The following LRRC37A variants were observed in gnomAD, a reference collection of about 807,000 sequenced individuals.
LRRC37A encodes leucine rich repeat containing 37A.
LRRC37A carries 3 observed loss-of-function variants against 35.4 expected under a neutral mutation model. That is an observed-to-expected ratio of 0.08 (90% confidence interval 0.04 to 0.22). The LOEUF (loss-of-function observed/expected upper bound fraction) is 0.22, where lower values mean the gene tolerates loss of function less well. LRRC37A is among the 10% of genes least tolerant of loss of function. LRRC37A has a pLI of 1.00. For missense variants in LRRC37A, 67 were observed against 565.3 expected (o/e 0.12, Z 8.94); for synonymous variants, 23 against 215.0 (o/e 0.11, Z 7.81).
At chr17:46,274,394 A>C in the LRRC37A span, among the ~76,000 whole-genome samples, 1 of 152,262 alleles carries the variant, frequency 6.6e-6, no homozygotes, top group Admixed American at 6.5e-5. Flanking sequence ...AGGACCACTT[A>C]GCCCAACCTT....
the LRRC37A span, among the ~76,000 whole-genome samples, chr17:46,279,901 T>A: frequency 6.6e-6 from 1 of 152,206 alleles, no homozygotes; most frequent in Non-Finnish European, 1.5e-5. Context: ...TTTTTCTGTC[T>A]TAAACAAATT....
the LRRC37A span, among the ~76,000 whole-genome samples, chr17:46,277,542 C>T: frequency 0.12 from 18,337 of 151,980 alleles, no homozygotes; most frequent in Non-Finnish European, 0.18. Context: ...AGAAGTTGTG[C>T]TCCTCTGTCC....
chr17:46,334,624 G>C (rs1234913107), intron 10 of LRRC37A: 1 of 50,386 alleles, frequency 2.0e-5, no homozygotes, highest in Non-Finnish European at 3.6e-5. Context: ...GTCTTGCTAT[G>C]TTGCCCAGGC....
the LRRC37A span, among the ~76,000 whole-genome samples, chr17:46,274,046 T>A: frequency 6.6e-6 from 1 of 152,234 alleles, no homozygotes; most frequent in African/African-American, 2.4e-5. Context: ...GACAATTGAC[T>A]GGGAATGATA....
the LRRC37A span, among the ~76,000 whole-genome samples, chr17:46,279,114 A>C: frequency 6.6e-6 from 1 of 151,936 alleles, no homozygotes; most frequent in Middle Eastern, 3.4e-3. Flanking sequence ...CATTATTTAC[A>C]TTATTACGAC....
At chr17:46,263,755 G>A in the LRRC37A span, among the ~76,000 whole-genome samples, 1 of 151,586 alleles carries the variant, frequency 6.6e-6, no homozygotes, top group African/African-American at 2.4e-5. Context: ...CTGGGAGGCT[G>A]AGGCAGGAGA....
At chr17:46,268,597 G>A in the LRRC37A span, 2 of 1,546,448 alleles carry the variant, frequency 1.3e-6, no homozygotes, top group Non-Finnish European at 1.7e-6. Context: ...CTCTGTCCAG[G>A]GGATGGACTG....
At chr17:46,291,969 C>CAAAAAAAAAAAAA (rs59554870), upstream of LRRC37A, among the ~76,000 whole-genome samples, 107 of 58,052 alleles carry the variant, frequency 1.8e-3, no homozygotes, top group Non-Finnish European at 2.3e-3. Flanking sequence ...TCTCAAAAAG[C>CAAAAAAAAAAAAA]AAAAAAAAAA....
the LRRC37A span, among the ~76,000 whole-genome samples, chr17:46,268,995 A>G: frequency 2.2e-4 from 33 of 152,186 alleles, no homozygotes; most frequent in Admixed American, 4.6e-4. Context: ...TAAATATTTT[A>G]ATTTAATACA....
At chr17:46,258,707 C>CTTTTTTTTT in the LRRC37A span, among the ~76,000 whole-genome samples, 39 of 81,124 alleles carry the variant, frequency 4.8e-4, no homozygotes, top group South Asian at 1.1e-3. Context: ...GACTATTATT[C>CTTTTTTTTT]TTTTTTTTTT....
At chr17:46,288,706 CTTTTTT>C (rs199591277), upstream of LRRC37A, among the ~76,000 whole-genome samples, 1 of 139,060 alleles carries the variant, frequency 7.2e-6, no homozygotes, top group Non-Finnish European at 1.6e-5. Context: ...CTTGTTTTTT[CTTTTTT>C]TTTTTTTTTG....
chr17:46,264,639 T>C, the LRRC37A span, among the ~76,000 whole-genome samples: 1 of 152,262 alleles, frequency 6.6e-6, no homozygotes, highest in African/African-American at 2.4e-5. Context: ...TAGATCAGTC[T>C]CTTTGAACTC....
upstream of LRRC37A, among the ~76,000 whole-genome samples, chr17:46,291,371 G>A (rs1164544060): frequency 1.3e-5 from 2 of 152,012 alleles, no homozygotes; most frequent in African/African-American, 2.4e-5. Flanking sequence ...ACAAAACTGT[G>A]AGCAGGACTA....
chr17:46,256,517 C>A, the LRRC37A span, among the ~76,000 whole-genome samples: 3 of 152,294 alleles, frequency 2.0e-5, no homozygotes, highest in Non-Finnish European at 4.4e-5. Context: ...CTTGCCAGCA[C>A]CCAATTGTGC....
At chr17:46,248,372 C>T in the LRRC37A span, among the ~76,000 whole-genome samples, 90 of 152,184 alleles carry the variant, frequency 5.9e-4, no homozygotes, top group African/African-American at 2.1e-3. Context: ...CAAAAAGGTC[C>T]CTCGTGTCCC....
At chr17:46,265,759 C>T in the LRRC37A span, among the ~76,000 whole-genome samples, 22,032 of 151,872 alleles carry the variant, frequency 0.15, 2,135 homozygotes, top group Middle Eastern at 0.22. Context: ...ATTACAAGCA[C>T]GAGCCACCAT....
At chr17:46,287,556 C>G in the LRRC37A span, among the ~76,000 whole-genome samples, 2 of 152,278 alleles carry the variant, frequency 1.3e-5, no homozygotes, top group Non-Finnish European at 2.9e-5. Context: ...AATTCAATCT[C>G]TACCAGGTTT....
At chr17:46,253,610 G>A in the LRRC37A span, among the ~76,000 whole-genome samples, 1 of 152,174 alleles carries the variant, frequency 6.6e-6, no homozygotes, top group Admixed American at 6.5e-5. Flanking sequence ...CCAGTCAGGC[G>A]TGGCGGCGCG....
chr17:46,249,085 C>T, the LRRC37A span, among the ~76,000 whole-genome samples: 1 of 152,050 alleles, frequency 6.6e-6, no homozygotes, highest in South Asian at 2.1e-4. Flanking sequence ...AACATTATGT[C>T]ATTTCATAGA....
Sources: gnomAD v4.1 joint callset for allele counts (sites outside exome capture counted in the v4.1 genomes callset) on GRCh38, gnomAD v4.1.1 for gene constraint, MANE v1.5 for transcripts, NCBI Gene and HGNC (gene_info 2026-07-23, HGNC 2026-07-21) for gene names.